The following KIFC3 variants were observed in gnomAD, a reference collection of about 807,000 sequenced individuals.
KIFC3 encodes the protein kinesin family member C3.
Under a neutral mutation model 101.8 loss-of-function variants are expected in KIFC3, and 60 were observed. The ratio of observed to expected loss-of-function variants is 0.59; its 90% CI spans 0.48 to 0.73. The LOEUF is 0.73. Among genes scored for constraint, KIFC3 ranks in the 30% least tolerant of loss-of-function variants. The probability of loss-of-function intolerance (pLI) is 0.00; values close to 1 mark genes in which losing one functional copy is unlikely to be tolerated. For synonymous variants in KIFC3, 476 were observed against 482.7 expected (o/e 0.99, Z 0.18); for missense variants, 966 against 1,137.1 (o/e 0.85, Z 2.16).
chr16:57,855,119 CTT>C (rs1229988962), intron 1 of KIFC3, among the ~76,000 whole-genome samples: 16,656 of 104,818 alleles, frequency 0.16, 1,683 homozygotes, highest in African/African-American at 0.33. Flanking sequence ...CCATTTCTTT[CTT>C]TTTTTTTTTT....
intron 1 of KIFC3, among the ~76,000 whole-genome samples, chr16:57,831,451 G>A (rs898765770): frequency 1.3e-5 from 2 of 152,196 alleles, no homozygotes; most frequent in African/African-American, 4.8e-5. Flanking sequence ...AGGCCAAGGC[G>A]GGAGGATCAC....
At position 57,847,269 on chromosome 16, in the gene KIFC3, AG is replaced by A. The variant is rs1485614902; in HGVS notation, c.108+15459del. On this transcript the variant is annotated intron_variant, in intron 1 of 2. Transcript: ENST00000563028. Reference sequence around the variant, plus strand: ...AAGGAAGGAAGGAAGGAAGGAAGGAAGGGAAGGGAGGGAGGGAGAGAGGGCG... The same window carrying A: ...AAGGAAGGAAGGAAGGAAGGAAGGAAGGAAGGGAGGGAGGGAGAGAGGGCG... 3.8e-3 allele frequency among the ~76,000 whole-genome samples: 216 copies of A among 56,678 alleles called. 2 individuals carry two copies. The highest frequency in any genetic ancestry group is 0.017 in the African/African-American group (184 of 10,784). The allele number at this position is 56,678 out of a possible 152,430, so 37.2% of individuals were successfully genotyped here. A position where few individuals can be genotyped will look rare whatever the true frequency, so the allele number is the denominator to read the frequency against.
chr16:57,859,423 T>G (rs956219477), intron 1 of KIFC3, among the ~76,000 whole-genome samples: 14 of 152,240 alleles, frequency 9.2e-5, no homozygotes. Context: ...CCTCCAGCAC[T>G]TGCTTCATGC....
At chr16:57,847,247 GAA>G (rs1567339308) in intron 1 of KIFC3, among the ~76,000 whole-genome samples, 9 of 104,406 alleles carry the variant, frequency 8.6e-5, no homozygotes, top group Non-Finnish European at 1.1e-4. Context: ...AGGAAGGAAG[GAA>G]GGAAGGAAGG....
At chr16:57,843,117 G>A (rs1380780705) in intron 1 of KIFC3, among the ~76,000 whole-genome samples, 4 of 152,064 alleles carry the variant, frequency 2.6e-5, no homozygotes, top group African/African-American at 9.7e-5. Context: ...TGGGCAATAA[G>A]AGTGAAATTC....
chr16:57,846,698 C>T (rs879369109), intron 1 of KIFC3, among the ~76,000 whole-genome samples: 1 of 152,194 alleles, frequency 6.6e-6, no homozygotes, highest in South Asian at 2.1e-4. Flanking sequence ...GCTGTACAAC[C>T]GATCCACTTT....
At chr16:57,847,193 G>A (rs143903663) in intron 1 of KIFC3, among the ~76,000 whole-genome samples, 2,182 of 45,848 alleles carry the variant, frequency 0.048, 112 homozygotes, top group Admixed American at 0.14. Flanking sequence ...GAAGGAAGGA[G>A]GGAAGGAAGG....
chr16:57,851,528 G>T (rs2056057798), intron 1 of KIFC3, among the ~76,000 whole-genome samples: 1 of 150,478 alleles, frequency 6.6e-6, no homozygotes. Flanking sequence ...GAGTGTAATT[G>T]CCTCTTGTCT....
rs1555622135 is a variant in KIFC3, at chr16:57,795,139, G to A, written c.175C>T (p.Arg59Cys). 1.9e-5 allele frequency: 31 copies of A among 1,609,932 alleles called. No individual in the cohort carries two copies. Among genetic ancestry groups the A allele is most frequent in the East Asian group, 4.5e-5 (2 of 44,494 alleles). ...CCGCAGACTGGGGTATCTTTTCCAC[G>A]CCCTGTCCCAGGACAGAGAGATAGG... ...HTGPGRLRTG[R>C]GKDTPVCGDE... is the part of the protein sequence containing the mutation. The change falls in exon 3 of 20, where the codon CGT becomes TGT. Residue 59 changes from arginine (R) to cysteine (C), a missense_variant and splice_region_variant. Arg to Cys is a radical substitution (Grantham distance 180). Around this residue, in one of 2 missense-constraint regions of KIFC3, gnomAD observed 277 missense variants for 252.5 expected, o/e 1.10. Coordinates refer to ENST00000445690, the MANE Select transcript of KIFC3 (RefSeq NM_001130100.2).
At chr16:57,815,686 G>T (rs1555628649) in intron 1 of KIFC3, 2 of 1,276,942 alleles carry the variant, frequency 1.6e-6, no homozygotes, top group East Asian at 5.6e-5. Context: ...TCCACTCGGG[G>T]CCTGGGAGAA....
At chr16:57,803,368 T>C, upstream of KIFC3, 1 of 605,598 alleles carries the variant, frequency 1.7e-6, no homozygotes, top group Non-Finnish European at 3.1e-6. Flanking sequence ...AGCAGCAATA[T>C]TCTCCCTCAC....
intron 13 of KIFC3, 81 bp downstream of exon 13, chr16:57,762,059 C>G: frequency 6.8e-7 from 1 of 1,478,978 alleles, no homozygotes; most frequent in South Asian, 1.4e-5. Flanking sequence ...GGGGTCCCAC[C>G]TGAGGACCTC....
intron 1 of KIFC3, chr16:57,816,072 C>A: frequency 1.6e-6 from 1 of 611,716 alleles, no homozygotes; most frequent in Non-Finnish European, 2.4e-6. Context: ...AGTGGCCATC[C>A]ACGTACCCAC....
intron 1 of KIFC3, among the ~76,000 whole-genome samples, chr16:57,848,964 C>T (rs780024325): frequency 7.9e-5 from 12 of 152,170 alleles, no homozygotes; most frequent in Non-Finnish European, 1.6e-4. Flanking sequence ...CTCTCTTCCC[C>T]GGTTCCACTT....
intron 3 of KIFC3, among the ~76,000 whole-genome samples, chr16:57,794,237 CT>C (rs782736400): frequency 1.4e-3 from 200 of 143,598 alleles, no homozygotes; most frequent in Admixed American, 1.6e-3. Context: ...TTTTTCTTTT[CT>C]TTTTTTTTTT....
At chr16:57,814,337 T>G (rs1598195056) in intron 1 of KIFC3, among the ~76,000 whole-genome samples, 1 of 152,322 alleles carries the variant, frequency 6.6e-6, no homozygotes, top group Middle Eastern at 3.4e-3. Context: ...TTAGCTCACC[T>G]AGCACTGGAT....
Position 57,771,549 on chromosome 16 carries a change from G to A in KIFC3, c.519C>T (p.His173=). 1 of 1,613,000 alleles carries A rather than the reference G, an allele frequency of 6.2e-7. No homozygotes were observed. Among genetic ancestry groups the A allele is most frequent in the Non-Finnish European group, 8.5e-7 (1 of 1,179,600 alleles). ...CCACGGCCATTCTGCTCACCTGGCT[G>A]TGCTCACAACCTGGGCAGGGACCTG... The part of the protein sequence containing the change: ...KPAGPCPGCE[H]SQESAQLRDK... Residue 173 remains histidine (H), a synonymous_variant, in exon 5 of 20, where the codon CAC becomes CAT. Coordinates refer to ENST00000445690, the MANE Select transcript of KIFC3 (RefSeq NM_001130100.2).
At chr16:57,777,019 T>C (rs543134930) in intron 3 of KIFC3, 1 of 152,066 alleles carries the variant, frequency 6.6e-6, no homozygotes, top group Admixed American at 6.5e-5. Context: ...GGATACAAAA[T>C]GAACACACAA....
chr16:57,779,683 G>A (rs1460046090), intron 3 of KIFC3: 1 of 152,096 alleles, frequency 6.6e-6, no homozygotes, highest in Non-Finnish European at 1.5e-5. Flanking sequence ...GTGTGGTGGT[G>A]TACACCTGTA....
Sources: gnomAD v4.1 joint callset for allele counts (sites outside exome capture counted in the v4.1 genomes callset) on GRCh38, gnomAD v4.1.1 for gene constraint, gnomAD v4.1.1 regional missense constraint, MANE v1.5 for transcripts, NCBI Gene and HGNC (gene_info 2026-07-23, HGNC 2026-07-21) for gene names.